UGT1A8: variants seen among roughly 807,000 people sequenced by gnomAD.
The protein encoded by UGT1A8 is UDP-glucuronosyltransferase 1A8.
Under a neutral mutation model 45.3 loss-of-function variants are expected in UGT1A8, and 39 were observed. The ratio of observed to expected loss-of-function variants is 0.86; its 90% CI spans 0.67 to 1.12. UGT1A8 has a LOEUF of 1.12. Among genes scored for constraint, UGT1A8 ranks in the 50% most tolerant of loss-of-function variants. The pLI is 0.00. For missense variants in UGT1A8, 719 were observed against 664.9 expected (o/e 1.08, Z -0.90); for synonymous variants, 275 against 249.2 (o/e 1.10, Z -0.97).
At chr2:233,675,667 A>G (rs985269438) in intron 1 of UGT1A8, among the ~76,000 whole-genome samples, 2 of 152,148 alleles carry the variant, frequency 1.3e-5, no homozygotes, top group African/African-American at 4.8e-5. Flanking sequence ...CAATGGAGAG[A>G]CTCAGTGTAA....
At chr2:233,636,518 C>T in intron 1 of UGT1A8, 8 of 1,608,620 alleles carry the variant, frequency 5.0e-6, no homozygotes, top group Non-Finnish European at 6.8e-6. Flanking sequence ...GGCTGCAGTT[C>T]TCTCATGGCT....
At chr2:233,713,179 T>A in intron 1 of UGT1A8, 1 of 1,614,174 alleles carries the variant, frequency 6.2e-7, no homozygotes, top group African/African-American at 1.3e-5. Context: ...GTCCTCACCC[T>A]GGAGGTGAAT....
intron 1 of UGT1A8, among the ~76,000 whole-genome samples, chr2:233,698,795 G>A (rs1041135412): frequency 5.3e-5 from 8 of 152,198 alleles, no homozygotes; most frequent in African/African-American, 1.7e-4. Flanking sequence ...GGTAACCTCT[G>A]GGCTCCCAGC....
Position 233,722,695 on chromosome 2 carries a change from T to C in UGT1A8, c.856-44339T>C, listed in dbSNP as rs1001983756. Among the ~76,000 whole-genome samples the C allele has an allele frequency of 3.3e-5, 5 of 152,186 alleles. No individual in the cohort carries two copies. In the East Asian group the frequency reaches 9.6e-4, roughly 29 times the overall value. On this transcript the variant is annotated intron_variant, in intron 1 of 4. Transcript: ENST00000373450. Reference sequence around the variant, plus strand: ...TAAAAATTGCTGTTCTTTTCATTGCTTTTAGATAATTTAAATATCAGTTTT... The same window carrying C: ...TAAAAATTGCTGTTCTTTTCATTGCCTTTAGATAATTTAAATATCAGTTTT...
At chr2:233,748,104 T>A in intron 1 of UGT1A8, 2 of 1,612,628 alleles carry the variant, frequency 1.2e-6, no homozygotes, top group Non-Finnish European at 1.7e-6. Flanking sequence ...CTTCATCCAA[T>A]CAATGTTCCA....
At chr2:233,763,063 T>C (rs1220667382) in intron 1 of UGT1A8, among the ~76,000 whole-genome samples, 1 of 152,230 alleles carries the variant, frequency 6.6e-6, no homozygotes, top group Admixed American at 6.5e-5. Flanking sequence ...TTTAGATAAT[T>C]TCCTTCTTTG....
chr2:233,674,878 ACACTT>A (rs1431426199), intron 1 of UGT1A8, among the ~76,000 whole-genome samples: 7 of 152,188 alleles, frequency 4.6e-5, no homozygotes, highest in Non-Finnish European at 8.8e-5. Flanking sequence ...AGAAGGATGG[ACACTT>A]CATATTGCTC....
intron 1 of UGT1A8, chr2:233,747,572 A>G (rs968411318): frequency 5.2e-5 from 82 of 1,588,740 alleles, no homozygotes; most frequent in Non-Finnish European, 6.5e-5. Context: ...TGAAAAATTC[A>G]TCTTTGGTCT....
chr2:233,661,626 T>TCTTTCTTTCTTTCTTC (rs1462811243), intron 1 of UGT1A8, among the ~76,000 whole-genome samples: 1 of 105,608 alleles, frequency 9.5e-6, no homozygotes, highest in Admixed American at 1.0e-4. Context: ...TACTGAATTT[T>TCTTTCTTTCTTTCTTC]CTTTCTTTCT....
chr2:233,688,685 A>G (rs2125540421), intron 1 of UGT1A8, among the ~76,000 whole-genome samples: 1 of 152,304 alleles, frequency 6.6e-6, no homozygotes. Flanking sequence ...AAAAAATTTA[A>G]TATTAAACGT....
chr2:233,700,361 G>A (rs764696456), intron 1 of UGT1A8, among the ~76,000 whole-genome samples: 35 of 152,274 alleles, frequency 2.3e-4, no homozygotes, highest in Middle Eastern at 3.4e-3. Flanking sequence ...CTTTATGGCT[G>A]ATTATCTGGG....
intron 1 of UGT1A8, among the ~76,000 whole-genome samples, chr2:233,732,853 A>C (rs1238557082): frequency 6.7e-6 from 1 of 149,098 alleles, no homozygotes; most frequent in Non-Finnish European, 1.5e-5. Context: ...TTGTGAAGTC[A>C]TTGGTAGCTT....
At chr2:233,636,821 C>T in intron 1 of UGT1A8, 1 of 1,614,206 alleles carries the variant, frequency 6.2e-7, no homozygotes, top group Non-Finnish European at 8.5e-7. Context: ...CAATGGAAAG[C>T]ACAGGCACAA....
intron 1 of UGT1A8, among the ~76,000 whole-genome samples, chr2:233,748,430 T>A (rs1693942914): frequency 6.6e-6 from 1 of 151,778 alleles, no homozygotes; most frequent in Non-Finnish European, 1.5e-5. Flanking sequence ...CCATCTGGAT[T>A]TTTTGTTTGC....
chr2:233,746,290 CTT>C (rs1389294286), intron 1 of UGT1A8, among the ~76,000 whole-genome samples: 2 of 151,596 alleles, frequency 1.3e-5, no homozygotes, highest in Non-Finnish European at 2.9e-5. Flanking sequence ...AGGAAGGTGG[CTT>C]TGTTTCCCTT....
chr2:233,761,294 G>T, intron 1 of UGT1A8: 1 of 1,510,468 alleles, frequency 6.6e-7, no homozygotes, highest in Non-Finnish European at 9.0e-7. Flanking sequence ...TGACTCCTAG[G>T]TTTGAGTCTG....
At chr2:233,687,356 G>T (rs2074836040) in intron 1 of UGT1A8, among the ~76,000 whole-genome samples, 1 of 152,096 alleles carries the variant, frequency 6.6e-6, no homozygotes, top group African/African-American at 2.4e-5. Context: ...CAGATGGGTG[G>T]ACTGTCTCCT....
At chr2:233,704,837 C>G (rs928944856) in intron 1 of UGT1A8, among the ~76,000 whole-genome samples, 1 of 151,970 alleles carries the variant, frequency 6.6e-6, no homozygotes, top group Non-Finnish European at 1.5e-5. Flanking sequence ...CTTTTAAAAT[C>G]AGTTAAGAGA....
intron 1 of UGT1A8, among the ~76,000 whole-genome samples, chr2:233,643,960 C>T (rs2073530670): frequency 6.6e-6 from 1 of 152,176 alleles, no homozygotes; most frequent in Admixed American, 6.6e-5. Flanking sequence ...CCTCTCCTCT[C>T]CTCAAGTAGA....
Sources: gnomAD v4.1 joint callset for allele counts (sites outside exome capture counted in the v4.1 genomes callset) on GRCh38, gnomAD v4.1.1 for gene constraint, MANE v1.5 for transcripts, NCBI Gene and HGNC (gene_info 2026-07-23, HGNC 2026-07-21) for gene names.